Variants in AMMECR1 observed in about 807,000 individuals in gnomAD.
The protein encoded by AMMECR1 is AMMECR nuclear protein 1, also known as nuclear protein AMMECR1.
A neutral mutation model predicts 22.5 loss-of-function variants in AMMECR1; 3 were observed. The ratio of observed to expected loss-of-function variants is 0.13; its 90% CI spans 0.06 to 0.35. The LOEUF (loss-of-function observed/expected upper bound fraction) is 0.35. Among genes scored for constraint, AMMECR1 ranks in the 10% least tolerant of loss-of-function variants. The probability of loss-of-function intolerance (pLI) is 1.00; values close to 1 mark genes in which losing one functional copy is unlikely to be tolerated. For synonymous variants in AMMECR1, 130 were observed against 116.7 expected (o/e 1.11, Z -0.74); for missense variants, 235 against 278.7 (o/e 0.84, Z 1.12).
intron 2 of AMMECR1, chrX:110,219,499 A>C: frequency 1.3e-6 from 1 of 752,323 alleles, no homozygotes; most frequent in Non-Finnish European, 1.6e-6. Context: ...AGCTCAATGC[A>C]GTTCAAACTA....
At chrX:110,423,888 G>C (rs2068736469) in intron 2 of AMMECR1, among the ~76,000 whole-genome samples, 1 of 112,482 alleles carries the variant, frequency 8.9e-6, no homozygotes, top group African/African-American at 3.2e-5. Flanking sequence ...ATTTGGAATT[G>C]TCTCTTCCTC....
chrX:110,367,996 T>TTATTAC (rs1404008475), intron 2 of AMMECR1, among the ~76,000 whole-genome samples: 3 of 102,468 alleles, frequency 2.9e-5, no homozygotes, highest in Non-Finnish European at 5.9e-5. Flanking sequence ...ATTATTATTA[T>TTATTAC]TATTATTATT....
At chrX:110,250,691 T>C (rs1397994631) in intron 2 of AMMECR1, among the ~76,000 whole-genome samples, 1 of 111,907 alleles carries the variant, frequency 8.9e-6, no homozygotes, top group Non-Finnish European at 1.9e-5. Flanking sequence ...TTCAGAGGTG[T>C]TTGAAATGAA....
intron 1 of AMMECR1, among the ~76,000 whole-genome samples, chrX:110,434,819 G>A (rs1056360367): frequency 1.1e-4 from 12 of 110,421 alleles, no homozygotes; most frequent in Non-Finnish European, 1.7e-4. Flanking sequence ...GACTGGATGG[G>A]GTTTCTCCTC....
At chrX:110,370,764 A>G (rs1360805892) in intron 2 of AMMECR1, among the ~76,000 whole-genome samples, 1 of 112,253 alleles carries the variant, frequency 8.9e-6, no homozygotes, top group Non-Finnish European at 1.9e-5. Flanking sequence ...TGGAGTCCAC[A>G]TGGCTAAGAT....
intron 2 of AMMECR1, among the ~76,000 whole-genome samples, chrX:110,392,946 A>G (rs1480826014): frequency 8.9e-6 from 1 of 112,349 alleles, no homozygotes; most frequent in East Asian, 2.8e-4. Context: ...ATTAGAAAGC[A>G]TATGGCTAAA....
chrX:110,308,208 G>T (rs2068007561), intron 1 of AMMECR1, among the ~76,000 whole-genome samples: 1 of 111,420 alleles, frequency 9.0e-6, no homozygotes, highest in African/African-American at 3.3e-5. Context: ...GAATGCTGTG[G>T]CCATTGATTC....
At chrX:110,404,285 T>G (rs2068583637) in intron 2 of AMMECR1, among the ~76,000 whole-genome samples, 1 of 111,780 alleles carries the variant, frequency 8.9e-6, no homozygotes, top group Non-Finnish European at 1.9e-5. Context: ...ATTGCTGTCT[T>G]CTGAAGTCTT....
At position 110,379,664 on chromosome X, in the gene AMMECR1, A is replaced by G. The variant is rs1018378578; in HGVS notation, c.-148+46994T>C. ...TACCCTCTTTCACACACACATGCAC[A>G]TGCACATGTAAACATACTCCTGAAG... On this transcript the variant is annotated intron_variant, in intron 2 of 7. Transcript: ENST00000372057. Among the ~76,000 whole-genome samples the G allele has an allele frequency of 6.6e-4, 74 of 112,397 alleles. 2 individuals carry two copies. Among genetic ancestry groups the G allele is most frequent in the Non-Finnish European group, 1.7e-4 (9 of 53,275 alleles).
upstream of AMMECR1, chrX:110,318,089 C>A (rs768689092): frequency 8.6e-6 from 10 of 1,169,163 alleles, no homozygotes; most frequent in East Asian, 1.6e-4. Context: ...CAGTCTCCCC[C>A]ACGCAGCGTT....
chrX:110,413,677 C>T (rs1033638130), intron 2 of AMMECR1, among the ~76,000 whole-genome samples: 3 of 109,802 alleles, frequency 2.7e-5, no homozygotes, highest in Non-Finnish European at 5.7e-5. Flanking sequence ...CAGTCAGAAC[C>T]CCCTACCATC....
chrX:110,390,238 TC>T (rs1319879880), intron 2 of AMMECR1, among the ~76,000 whole-genome samples: 1 of 111,932 alleles, frequency 8.9e-6, no homozygotes, highest in Non-Finnish European at 1.9e-5. Context: ...CAACATGGAG[TC>T]CCTTGTAGAT....
intron 2 of AMMECR1, among the ~76,000 whole-genome samples, chrX:110,331,422 T>G: frequency 9.1e-6 from 1 of 109,344 alleles, no homozygotes; most frequent in Non-Finnish European, 1.9e-5. Flanking sequence ...AACCTTGGCC[T>G]TCTTAGGTAT....
chrX:110,198,668 T>C (rs780517440), intron 5 of AMMECR1, 34 bp from the exon 6 acceptor site: 1 of 1,015,733 alleles, frequency 9.8e-7, no homozygotes, highest in Non-Finnish European at 1.4e-6. Flanking sequence ...AAAGTTAACA[T>C]TGAGAAGTAG....
chrX:110,332,146 C>T (rs1273806162), intron 2 of AMMECR1, among the ~76,000 whole-genome samples: 1 of 110,955 alleles, frequency 9.0e-6, no homozygotes, highest in African/African-American at 3.3e-5. Context: ...TCTTGAGTGA[C>T]TACAAGAAGT....
At chrX:110,340,753 A>G (rs2068161271) in intron 2 of AMMECR1, among the ~76,000 whole-genome samples, 1 of 112,662 alleles carries the variant, frequency 8.9e-6, no homozygotes, top group South Asian at 3.6e-4. Flanking sequence ...AAAATAATTC[A>G]ATGGAGATTT....
chrX:110,261,833 C>T (rs1008394482), intron 2 of AMMECR1, among the ~76,000 whole-genome samples: 17 of 111,078 alleles, frequency 1.5e-4, no homozygotes, highest in South Asian at 3.8e-4. Flanking sequence ...AATTTTGCCT[C>T]GGTTAGGGGA....
Position 110,346,685 on chromosome X carries a change from T to C in AMMECR1, c.-147-28836A>G, listed in dbSNP as rs746151806. The C allele has an allele frequency of 4.7e-4, 314 of 668,070 alleles. No individual in the cohort carries two copies. In the African/African-American group the frequency reaches 6.3e-3, roughly 13 times the overall value. 55.1% of individuals were successfully genotyped at this position (668,070 alleles called of 1,213,427 possible). A position where few individuals can be genotyped will look rare whatever the true frequency, so the allele number is the denominator to read the frequency against. Reference sequence around the variant, plus strand: ...ATCATAAGAAGTGGTTTGGGAAACCTTTGAAAGATTCATTGTACTACAAAA... The same window carrying C: ...ATCATAAGAAGTGGTTTGGGAAACCCTTGAAAGATTCATTGTACTACAAAA... On this transcript the variant is annotated intron_variant, in intron 2 of 7. Transcript: ENST00000372057.
chrX:110,416,411 C>A (rs2068678124), intron 2 of AMMECR1, among the ~76,000 whole-genome samples: 1 of 112,086 alleles, frequency 8.9e-6, no homozygotes, highest in Non-Finnish European at 1.9e-5. Flanking sequence ...TTATTTACTT[C>A]TCATAGACAA....
Sources: allele counts gnomAD v4.1 joint callset (sites outside exome capture counted in the v4.1 genomes callset), GRCh38; gene constraint gnomAD v4.1.1; transcripts MANE v1.5; gene names NCBI Gene and HGNC (gene_info 2026-07-23, HGNC 2026-07-21).